RAP2B: variants seen among roughly 807,000 people sequenced by gnomAD.
The protein encoded by RAP2B is ras-related protein Rap-2b.
In RAP2B, 6 loss-of-function variants were observed where a neutral mutation model predicts 14.4. The ratio of observed to expected loss-of-function variants is 0.42; its 90% CI spans 0.23 to 0.82. The LOEUF (loss-of-function observed/expected upper bound fraction) is 0.82. Ranked by LOEUF, RAP2B falls within the 40% of genes least tolerant of loss-of-function variation. RAP2B has a pLI of 0.30. For missense variants in RAP2B, 137 were observed against 248.2 expected (o/e 0.55, Z 3.01); for synonymous variants, 118 against 113.2 (o/e 1.04, Z -0.27).
rs1406707448 is a variant in RAP2B, at chr3:153,164,661, A to T, written c.*1416A>T. The T allele has an allele frequency of 6.0e-6, 1 of 167,080 alleles. No individual in the cohort carries two copies. The highest frequency in any genetic ancestry group is 1.5e-5 in the Non-Finnish European group (1 of 68,122). The allele number at this position is 167,080 out of a possible 1,614,324, so 10.3% of individuals were successfully genotyped here. A position where few individuals can be genotyped will look rare whatever the true frequency, so the allele number is the denominator to read the frequency against. On this transcript the variant is annotated 3_prime_UTR_variant, in exon 1 of 1. Coordinates refer to ENST00000323534, the MANE Select transcript of RAP2B (RefSeq NM_002886.4). ...CTAACTAATTGTAATTTTTAATTTC[A>T]TGCGTTTAATCATTGTCTCTTCATT...
At position 153,163,350 on chromosome 3, in the gene RAP2B, T is replaced by G. The variant is rs1559967756; in HGVS notation, c.*105T>G. On this transcript the variant is annotated 3_prime_UTR_variant, in exon 1 of 1. Coordinates refer to ENST00000323534, the MANE Select transcript of RAP2B (RefSeq NM_002886.4). ...TTTGAGATTGGAGACCACTTTGCAT[T>G]GGCCAGGGTGTCTTGGGAGCCCGGC... The G allele has an allele frequency of 1.4e-6, 2 of 1,423,458 alleles. No homozygotes were observed. The highest frequency in any genetic ancestry group is 2.5e-5 in the East Asian group (1 of 39,852). 88.2% of individuals were successfully genotyped at this position (1,423,458 alleles called of 1,614,324 possible). A position where few individuals can be genotyped will look rare whatever the true frequency, so the allele number is the denominator to read the frequency against.
Position 153,162,463 on chromosome 3 carries a change from G to C in RAP2B, c.-231G>C, listed in dbSNP as rs936376576. 1 of 358,010 alleles carries C rather than the reference G, an allele frequency of 2.8e-6. No homozygotes were observed. The highest frequency in any genetic ancestry group is 4.9e-5 in the Admixed American group (1 of 20,444). 22.2% of individuals were successfully genotyped at this position (358,010 alleles called of 1,614,324 possible). On this transcript the variant is annotated 5_prime_UTR_variant, in exon 1 of 1. Coordinates refer to ENST00000323534, the MANE Select transcript of RAP2B (RefSeq NM_002886.4). This position sits in a 1 kb window ranked among gnomAD's most constrained non-coding sequence, Gnocchi z 4.9. The stretch of plus-strand genomic sequence containing the variant: ...CGGGCTGCTGCTGCCGCCGCGGACT[G>C]CTGCGGGGCCCGGACCCGCACCCCA...
rs1713607389 is a variant in RAP2B at position 153,167,266 on chromosome 3, ATCT to A, written c.*4023_*4025del. 2 of 167,076 alleles carry A rather than the reference ATCT, an allele frequency of 1.2e-5. No homozygotes were observed. Among genetic ancestry groups the A allele is most frequent in the African/African-American group, 4.8e-5 (2 of 41,458 alleles). The allele number at this position is 167,076 out of a possible 1,614,324, so 10.3% of individuals were successfully genotyped here. On this transcript the variant is annotated 3_prime_UTR_variant, in exon 1 of 1. Transcript: ENST00000323534. ...ACAGAGCTAGTTCTAGGTGAGTGAGATCTTTATCTATTAACTGGATTTTGAAGG... is the reference window on the plus strand; with the variant it reads ...ACAGAGCTAGTTCTAGGTGAGTGAGATTATCTATTAACTGGATTTTGAAGG...
rs758353163 is a variant in RAP2B, at chr3:153,169,941, A to G, written c.*6696A>G. ...AATTAGTGAAATGGTTTGTTTTGAG[A>G]AGCAGAAATGACTAAGTGGTATAGA... On this transcript the variant is annotated 3_prime_UTR_variant, in exon 1 of 1. Transcript: ENST00000323534. 6.6e-6 allele frequency: 1 copy of G among 152,204 alleles called. No individual in the cohort carries two copies. Among genetic ancestry groups the G allele is most frequent in the Non-Finnish European group, 1.5e-5 (1 of 68,060 alleles). The allele number at this position is 152,204 out of a possible 1,614,324, so 9.4% of individuals were successfully genotyped here.
rs1346490074 is a variant in RAP2B, at chr3:153,168,582, A to G, written c.*5337A>G. On this transcript the variant is annotated 3_prime_UTR_variant, in exon 1 of 1. Transcript: ENST00000323534. ...TATTTGCTGAATGAATGGAACATGG[A>G]GTGTTACATCTGAAACTATTCTATT... The G allele has an allele frequency of 2.0e-5, 3 of 153,586 alleles. No individual in the cohort carries two copies. Among genetic ancestry groups the G allele is most frequent in the African/African-American group, 7.2e-5 (3 of 41,434 alleles). 9.5% of individuals were successfully genotyped at this position (153,586 alleles called of 1,614,324 possible).
At position 153,162,555 on chromosome 3, in the gene RAP2B, G is replaced by T; in HGVS notation, c.-139G>T. 9.3e-7 allele frequency: 1 copy of T among 1,080,784 alleles called. No homozygotes were observed. The highest frequency in any genetic ancestry group is 1.6e-5 in the African/African-American group (1 of 61,746). The allele number at this position is 1,080,784 out of a possible 1,614,324, so 66.9% of individuals were successfully genotyped here. Reference sequence around the variant, plus strand: ...CTCCGTTCGGTGGTTTCCGCCCTGCGTTCTCTGGGTTGCTCTCTCCTGGGT... The same window carrying T: ...CTCCGTTCGGTGGTTTCCGCCCTGCTTTCTCTGGGTTGCTCTCTCCTGGGT... On this transcript the variant is annotated 5_prime_UTR_variant, in exon 1 of 1. Transcript: ENST00000323534. The surrounding 1 kb of genome is among the most constrained non-coding windows in gnomAD (Gnocchi z 4.9).
rs1442457687 is a variant in RAP2B, at chr3:153,163,481, G to T, written c.*236G>T. The T allele has an allele frequency of 1.4e-5, 8 of 558,742 alleles. No individual in the cohort carries two copies. The highest frequency in any genetic ancestry group is 2.5e-5 in the Non-Finnish European group (8 of 318,208). 34.6% of individuals were successfully genotyped at this position (558,742 alleles called of 1,614,324 possible). On this transcript the variant is annotated 3_prime_UTR_variant, in exon 1 of 1. Coordinates refer to ENST00000323534, the MANE Select transcript of RAP2B (RefSeq NM_002886.4). The stretch of plus-strand genomic sequence containing the variant: ...AAATGTGGCTCTTTGCAGCATGTAC[G>T]TTTCTCCCTGATTTTGGTTGATGCA...
In RAP2B at chr3:153,164,135, GTGTA is replaced by G. The variant is rs141162434; in HGVS notation, c.*894_*897del. The G allele has an allele frequency of 0.065, 10,783 of 166,528 alleles. 1,040 individuals are homozygous for G. The highest frequency in any genetic ancestry group is 0.23 in the African/African-American group (9,301 of 41,232). The allele number at this position is 166,528 out of a possible 1,614,324, so 10.3% of individuals were successfully genotyped here. ...TTTTCGTGTGTACTATGGTGTGTGT[GTGTA>G]TGTGTGTGGTGTGTGTGTGTTTTAA... On this transcript the variant is annotated 3_prime_UTR_variant, in exon 1 of 1. Transcript: ENST00000323534.
rs1713549519 is a variant in RAP2B, at chr3:153,165,500, G to C, written c.*2255G>C. On this transcript the variant is annotated 3_prime_UTR_variant, in exon 1 of 1. Transcript: ENST00000323534. ...TGAAATCTGAAGAGTCTTGACAAAG[G>C]GATTTACACCCTTGACAAAACCAAA... 1 of 165,490 alleles carries C rather than the reference G, an allele frequency of 6.0e-6. No homozygotes were observed. The highest frequency in any genetic ancestry group is 1.5e-5 in the Non-Finnish European group (1 of 68,080). The allele number at this position is 165,490 out of a possible 1,614,324, so 10.3% of individuals were successfully genotyped here.
In RAP2B at chr3:153,162,505, GCCGCCGGCCGGCC is replaced by G. The variant is rs1426363085; in HGVS notation, c.-187_-175del. The G allele has an allele frequency of 1.1e-5, 7 of 614,272 alleles. No individual in the cohort carries two copies. Among genetic ancestry groups the G allele is most frequent in the Non-Finnish European group, 1.8e-5 (7 of 390,460 alleles). 38.1% of individuals were successfully genotyped at this position (614,272 alleles called of 1,614,324 possible). ...CGCACCCCAGGGATACGCTGCCGCC[GCCGCCGGCCGGCC>G]CGGCGCCCGGCCTCCGTTCGGTGGT... On this transcript the variant is annotated 5_prime_UTR_variant, in exon 1 of 1. Coordinates refer to ENST00000323534, the MANE Select transcript of RAP2B (RefSeq NM_002886.4). This position sits in a 1 kb window ranked among gnomAD's most constrained non-coding sequence, Gnocchi z 4.9.
rs1334137108 is a variant in RAP2B at position 153,170,129 on chromosome 3, G to C, written c.*6884G>C. On this transcript the variant is annotated 3_prime_UTR_variant, in exon 1 of 1. Coordinates refer to ENST00000323534, the MANE Select transcript of RAP2B (RefSeq NM_002886.4). ...TGCAAAATTATGTGAGGTTAAGTTT[G>C]TCAGAGGATTGAAAACGTGGTTGGT... 1 of 152,176 alleles carries C rather than the reference G, an allele frequency of 6.6e-6. No homozygotes were observed. Among genetic ancestry groups the C allele is most frequent in the African/African-American group, 2.4e-5 (1 of 41,442 alleles). The allele number at this position is 152,176 out of a possible 1,614,324, so 9.4% of individuals were successfully genotyped here. A position where few individuals can be genotyped will look rare whatever the true frequency, so the allele number is the denominator to read the frequency against.
Position 153,162,467 on chromosome 3 carries a change from C to A in RAP2B, c.-227C>A. On this transcript the variant is annotated 5_prime_UTR_variant, in exon 1 of 1. Transcript: ENST00000323534. This position sits in a 1 kb window ranked among gnomAD's most constrained non-coding sequence, Gnocchi z 4.9. Reference sequence around the variant, plus strand: ...CTGCTGCTGCCGCCGCGGACTGCTGCGGGGCCCGGACCCGCACCCCAGGGA... The same window carrying A: ...CTGCTGCTGCCGCCGCGGACTGCTGAGGGGCCCGGACCCGCACCCCAGGGA... 2.7e-6 allele frequency: 1 copy of A among 365,868 alleles called. No individual in the cohort carries two copies. Among genetic ancestry groups the A allele is most frequent in the Non-Finnish European group, 4.8e-6 (1 of 209,746 alleles). 22.7% of individuals were successfully genotyped at this position (365,868 alleles called of 1,614,324 possible).
rs1004883399 is a variant in RAP2B at position 153,162,295 on chromosome 3, C to T, written c.-399C>T. On this transcript the variant is annotated 5_prime_UTR_variant, in exon 1 of 1. The change creates a new upstream start codon in the 5' untranslated region. Transcript: ENST00000323534. The surrounding 1 kb of genome is among the most constrained non-coding windows in gnomAD (Gnocchi z 4.9). ...GCACGTTCCGCGGGGACTCATGCCA[C>T]GCGCGTCCCGGCCCGACGCGCAATT... The T allele has an allele frequency of 6.4e-6, 1 of 155,684 alleles. No homozygotes were observed. The highest frequency in any genetic ancestry group is 2.4e-5 in the African/African-American group (1 of 41,532). 9.6% of individuals were successfully genotyped at this position (155,684 alleles called of 1,614,324 possible).
In RAP2B at chr3:153,167,247, C is replaced by G. The variant is rs1490984875; in HGVS notation, c.*4002C>G. The G allele has an allele frequency of 6.0e-6, 1 of 167,030 alleles. No individual in the cohort carries two copies. Among genetic ancestry groups the G allele is most frequent in the Non-Finnish European group, 1.5e-5 (1 of 68,092 alleles). 10.3% of individuals were successfully genotyped at this position (167,030 alleles called of 1,614,324 possible). A position where few individuals can be genotyped will look rare whatever the true frequency, so the allele number is the denominator to read the frequency against. On this transcript the variant is annotated 3_prime_UTR_variant, in exon 1 of 1. Coordinates refer to ENST00000323534, the MANE Select transcript of RAP2B (RefSeq NM_002886.4). The stretch of plus-strand genomic sequence containing the variant: ...TCAGTGCATTTAACTGAACACAGAG[C>G]TAGTTCTAGGTGAGTGAGATCTTTA...
Position 153,162,504 on chromosome 3 carries a change from C to T in RAP2B, c.-190C>T. The T allele has an allele frequency of 1.6e-6, 1 of 611,368 alleles. No individual in the cohort carries two copies. Among genetic ancestry groups the T allele is most frequent in the Non-Finnish European group, 2.6e-6 (1 of 386,712 alleles). 37.9% of individuals were successfully genotyped at this position (611,368 alleles called of 1,614,324 possible). ...CCGCACCCCAGGGATACGCTGCCGC[C>T]GCCGCCGGCCGGCCCGGCGCCCGGC... On this transcript the variant is annotated 5_prime_UTR_variant, in exon 1 of 1. Transcript: ENST00000323534. This position sits in a 1 kb window ranked among gnomAD's most constrained non-coding sequence, Gnocchi z 4.9.
At position 153,170,335 on chromosome 3, in the gene RAP2B, T is replaced by G. The variant is rs1197785659; in HGVS notation, c.*7090T>G. ...ACAGCTGAAATTGATTCATTGATTA[T>G]TCAACACTTATTGAGCACATACTAC... On this transcript the variant is annotated 3_prime_UTR_variant, in exon 1 of 1. Coordinates refer to ENST00000323534, the MANE Select transcript of RAP2B (RefSeq NM_002886.4). 1 of 152,264 alleles carries G rather than the reference T, an allele frequency of 6.6e-6. No individual in the cohort carries two copies. The highest frequency in any genetic ancestry group is 2.1e-4 in the South Asian group (1 of 4,838). The allele number at this position is 152,264 out of a possible 1,614,324, so 9.4% of individuals were successfully genotyped here.
Position 153,163,260 on chromosome 3 carries a change from G to A in RAP2B, c.*15G>A. 6.6e-7 allele frequency: 1 copy of A among 1,513,566 alleles called. No homozygotes were observed. Among genetic ancestry groups the A allele is most frequent in the Non-Finnish European group, 8.8e-7 (1 of 1,134,592 alleles). The allele number at this position is 1,513,566 out of a possible 1,614,324, so 93.8% of individuals were successfully genotyped here. On this transcript the variant is annotated 3_prime_UTR_variant, in exon 1 of 1. Coordinates refer to ENST00000323534, the MANE Select transcript of RAP2B (RefSeq NM_002886.4). ...TGATCCTCTGAGGCGGCCACCGCGC[G>A]CCGGCCGCGCTCTGCGCACAAAAGC...
At position 153,163,652 on chromosome 3, in the gene RAP2B, T is replaced by TTG. The variant is rs1713482184; in HGVS notation, c.*407_*408insTG. ...TGGAAATGGTTTTTTTTTTTTTTTT[T>TTG]CTATTTTCTTTCTTTTTTTTTTTTT... On this transcript the variant is annotated 3_prime_UTR_variant, in exon 1 of 1. Coordinates refer to ENST00000323534, the MANE Select transcript of RAP2B (RefSeq NM_002886.4). 1 of 150,860 alleles carries TTG rather than the reference T, an allele frequency of 6.6e-6. No individual in the cohort carries two copies. Among genetic ancestry groups the TTG allele is most frequent in the South Asian group, 2.2e-4 (1 of 4,476 alleles). 9.3% of individuals were successfully genotyped at this position (150,860 alleles called of 1,614,324 possible). A position where few individuals can be genotyped will look rare whatever the true frequency, so the allele number is the denominator to read the frequency against.
rs1413450167 is a variant in RAP2B at position 153,166,865 on chromosome 3, G to A, written c.*3620G>A. On this transcript the variant is annotated 3_prime_UTR_variant, in exon 1 of 1. Coordinates refer to ENST00000323534, the MANE Select transcript of RAP2B (RefSeq NM_002886.4). ...CTATTTTATCTGTTCAGGTAGTTTT[G>A]TTATTGTACCCTCTTTTGGGTCATA... 6.0e-6 allele frequency: 1 copy of A among 166,866 alleles called. No homozygotes were observed. Among genetic ancestry groups the A allele is most frequent in the African/African-American group, 2.4e-5 (1 of 41,420 alleles). 10.3% of individuals were successfully genotyped at this position (166,866 alleles called of 1,614,324 possible). A position where few individuals can be genotyped will look rare whatever the true frequency, so the allele number is the denominator to read the frequency against.
Sources: gnomAD v4.1 joint callset for allele counts on GRCh38, gnomAD v4.1.1 for gene constraint, Gnocchi (gnomAD v3.1) non-coding constraint, MANE v1.5 for transcripts, NCBI Gene and HGNC (gene_info 2026-07-23, HGNC 2026-07-21) for gene names.